COL19A1: variants seen among roughly 807,000 people sequenced by gnomAD.
The protein encoded by COL19A1 is collagen alpha-1(XIX) chain.
In COL19A1, 159 loss-of-function variants were observed where a neutral mutation model predicts 190.2. The ratio of observed to expected loss-of-function variants is 0.84; its 90% CI spans 0.73 to 0.95. COL19A1 has a LOEUF of 0.95. Among genes scored for constraint, COL19A1 ranks in the 40% least tolerant of loss-of-function variants. The pLI is 0.00. For missense variants in COL19A1, 1,418 were observed against 1,431.9 expected (o/e 0.99, Z 0.16); for synonymous variants, 509 against 458.9 (o/e 1.11, Z -1.39).
In COL19A1 at chr6:69,936,900, T is replaced by C. The variant is rs193124567; in HGVS notation, c.863T>C (p.Ile288Thr). 1.2e-6 allele frequency: 2 copies of C among 1,612,894 alleles called. No homozygotes were observed. Among genetic ancestry groups the C allele is most frequent in the East Asian group, 4.5e-5 (2 of 44,868 alleles). ...GAACTTAAAGACCAGTGCCAGTGCATTCCAAACAAGGTATGCTAGTTTTAA... is the reference window on the plus strand; with the variant it reads ...GAACTTAAAGACCAGTGCCAGTGCACTCCAAACAAGGTATGCTAGTTTTAA... ...KQELKDQCQC[I>T]PNKGEAGLPG... is the part of the protein sequence containing the mutation. Residue 288 changes from isoleucine to threonine, a missense_variant, in exon 8 of 51, where the codon ATT becomes ACT. Ile to Thr is a moderately conservative substitution (Grantham distance 89). Coordinates refer to ENST00000620364, the MANE Select transcript of COL19A1 (RefSeq NM_001858.6).
At chr6:70,060,054 C>T (rs1199286238) in intron 14 of COL19A1, among the ~76,000 whole-genome samples, 1 of 151,974 alleles carries the variant, frequency 6.6e-6, no homozygotes, top group Non-Finnish European at 1.5e-5. Context: ...GGAATAAGTT[C>T]CACAACAGAG....
At chr6:69,946,421 T>G (rs1021664432) in intron 9 of COL19A1, among the ~76,000 whole-genome samples, 1 of 152,038 alleles carries the variant, frequency 6.6e-6, no homozygotes, top group African/African-American at 2.4e-5. Context: ...CCATCATATC[T>G]GGATTAGCAT....
intron 11 of COL19A1, among the ~76,000 whole-genome samples, chr6:69,985,399 G>A (rs1385091736): frequency 6.6e-6 from 1 of 152,134 alleles, no homozygotes; most frequent in Non-Finnish European, 1.5e-5. Flanking sequence ...CTATGGTCCA[G>A]TGGCGAGTTC....
In COL19A1 at chr6:69,965,199, C is replaced by G. The variant is rs78850286; in HGVS notation, c.1026+2329C>G. On this transcript the variant is annotated intron_variant, in intron 11 of 50. Transcript: ENST00000620364. ...TTCTTCTTTAATTACCCTACTGTGGCCTTTACTGTGTTTAATTTGACTGTT... is the reference window on the plus strand; with the variant it reads ...TTCTTCTTTAATTACCCTACTGTGGGCTTTACTGTGTTTAATTTGACTGTT... 4.3e-3 allele frequency among the ~76,000 whole-genome samples: 647 copies of G among 152,222 alleles called. 4 individuals are homozygous for G. Among genetic ancestry groups the G allele is most frequent in the Admixed American group, 7.3e-3 (111 of 15,288 alleles).
At chr6:70,057,060 G>A (rs148059735) in intron 14 of COL19A1, among the ~76,000 whole-genome samples, 1 of 152,226 alleles carries the variant, frequency 6.6e-6, no homozygotes, top group South Asian at 2.1e-4. Context: ...TGTATATCAT[G>A]CTGCCCATTG....
chr6:69,986,667 C>T (rs958195381), intron 11 of COL19A1, among the ~76,000 whole-genome samples: 7 of 152,040 alleles, frequency 4.6e-5, no homozygotes, highest in African/African-American at 7.2e-5. Flanking sequence ...ATACTTTGAC[C>T]GCAGAGTTTA....
intron 36 of COL19A1, among the ~76,000 whole-genome samples, chr6:70,163,770 C>T (rs1040973522): frequency 2.0e-5 from 3 of 152,128 alleles, no homozygotes; most frequent in Non-Finnish European, 4.4e-5. Context: ...TGACAAAATA[C>T]CATAGACGGA....
intron 11 of COL19A1, 121 bp downstream of exon 11, chr6:69,962,991 T>A: frequency 3.2e-6 from 2 of 623,054 alleles, no homozygotes; most frequent in Non-Finnish European, 2.6e-6. Flanking sequence ...TTTATAGACA[T>A]AACTAAAACA....
chr6:69,960,922 C>A (rs1774757446), intron 10 of COL19A1, among the ~76,000 whole-genome samples: 1 of 152,148 alleles, frequency 6.6e-6, no homozygotes, highest in African/African-American at 2.4e-5. Flanking sequence ...TGAGCCACCA[C>A]ACCCGGCCAG....
chr6:70,211,651 T>C lies in COL19A1; in HGVS notation c.*4377T>C, dbSNP rs1185599499. ...TAAGATAGCATTAATTATCTTAAAT[T>C]TATTCAACTACTAAAAGTCTCAGGC... On this transcript the variant is annotated 3_prime_UTR_variant, in exon 51 of 51. Transcript: ENST00000620364. 6.6e-6 allele frequency among the ~76,000 whole-genome samples: 1 copy of C among 151,220 alleles called. No individual in the cohort carries two copies. Among genetic ancestry groups the C allele is most frequent in the African/African-American group, 2.4e-5 (1 of 41,046 alleles).
At chr6:69,882,513 A>G (rs896213143) in intron 2 of COL19A1, among the ~76,000 whole-genome samples, 11 of 152,218 alleles carry the variant, frequency 7.2e-5, no homozygotes, top group Admixed American at 5.2e-4. Flanking sequence ...CTATGTATCA[A>G]ATAATTAAAG....
In COL19A1 at chr6:70,141,842, A is replaced by C. The variant is rs778368744; in HGVS notation, c.1483-51A>C. ...TTCAATTAAAGTATCAGAGATGTCC[A>C]TTTCCATCTGAATTTAAGCATTACC... On this transcript the variant is annotated intron_variant, in intron 20 of 50. Transcript: ENST00000620364. The C allele has an allele frequency of 2.5e-6, 3 of 1,213,264 alleles. No individual in the cohort carries two copies. The South Asian group carries it at 3.8e-5, about 15-fold the overall frequency. 75.2% of individuals were successfully genotyped at this position (1,213,264 alleles called of 1,614,324 possible).
At chr6:70,153,286 G>T (rs1292860413) in intron 31 of COL19A1, among the ~76,000 whole-genome samples, 2 of 152,040 alleles carry the variant, frequency 1.3e-5, no homozygotes, top group African/African-American at 4.8e-5. Flanking sequence ...TGATCATCCT[G>T]CTTTCTGTTC....
intron 7 of COL19A1, 67 bp from the exon 8 acceptor site, chr6:69,936,718 C>T (rs1773135072): frequency 1.3e-6 from 2 of 1,577,472 alleles, no homozygotes; most frequent in Admixed American, 1.7e-5. Context: ...TTAGTGGGAG[C>T]CAGTGTTTGG....
At chr6:69,900,644 TCAAGGTAAACATTAAAA>T (rs1366906042) in intron 4 of COL19A1, among the ~76,000 whole-genome samples, 1 of 152,142 alleles carries the variant, frequency 6.6e-6, no homozygotes, top group African/African-American at 2.4e-5. Context: ...ATTAGGTTTT[TCAAGGTAAACATTAAAA>T]CATAAGGCAC....
At chr6:69,933,473 G>A (rs900990809) in intron 7 of COL19A1, among the ~76,000 whole-genome samples, 1 of 152,062 alleles carries the variant, frequency 6.6e-6, no homozygotes, top group African/African-American at 2.4e-5. Context: ...ACTGTGCTAA[G>A]GAACAGGGCT....
chr6:70,075,434 G>T (rs1339835559), intron 15 of COL19A1, among the ~76,000 whole-genome samples: 2 of 152,216 alleles, frequency 1.3e-5, no homozygotes, highest in Non-Finnish European at 2.9e-5. Flanking sequence ...GAAAAAGGGG[G>T]AAAGGCTAAT....
chr6:70,153,583 T>C lies in COL19A1; in HGVS notation c.2079+2145T>C, dbSNP rs566975329. Among the ~76,000 whole-genome samples, 3 of 152,280 alleles carry C rather than the reference T, an allele frequency of 2.0e-5. No homozygotes were observed. In the East Asian group the frequency reaches 5.8e-4, roughly 29 times the overall value. On this transcript the variant is annotated intron_variant, in intron 31 of 50. Transcript: ENST00000620364. The stretch of plus-strand genomic sequence containing the variant: ...AAAATTATGTTTATCATAATGATTA[T>C]CATTTTTTAATGTTTCACTTAAACA...
chr6:70,132,489 T>C (rs1166493526), intron 18 of COL19A1, among the ~76,000 whole-genome samples: 2 of 152,192 alleles, frequency 1.3e-5, no homozygotes, highest in Non-Finnish European at 2.9e-5. Context: ...GTATCTCTTC[T>C]GAATCAATAC....
Sources: gnomAD v4.1 joint callset for allele counts (sites outside exome capture counted in the v4.1 genomes callset) on GRCh38, gnomAD v4.1.1 for gene constraint, MANE v1.5 for transcripts, NCBI Gene and HGNC (gene_info 2026-07-23, HGNC 2026-07-21) for gene names.